Variants in MAF observed in about 807,000 individuals in gnomAD.
MAF encodes the protein MAF bZIP transcription factor, also known as transcription factor Maf.
In MAF, 10 loss-of-function variants were observed where a neutral mutation model predicts 22.0. The observed-to-expected ratio is 0.45, with a 90% CI of 0.28 to 0.77. The LOEUF (loss-of-function observed/expected upper bound fraction) is 0.77. MAF is among the 30% of genes least tolerant of loss of function. The probability of loss-of-function intolerance (pLI) is 0.12; values close to 1 mark genes in which losing one functional copy is unlikely to be tolerated. For synonymous variants in MAF, 337 were observed against 255.8 expected (o/e 1.32, Z -3.03); for missense variants, 544 against 548.4 (o/e 0.99, Z 0.08).
At chr16:79,266,020 C>A in the MAF span, among the ~76,000 whole-genome samples, 2 of 142,086 alleles carry the variant, frequency 1.4e-5, no homozygotes, top group African/African-American at 5.3e-5. Context: ...CCTCTCCTTT[C>A]TTTTCTTCTT....
chr16:79,340,367 C>T, the MAF span, among the ~76,000 whole-genome samples: 3 of 151,372 alleles, frequency 2.0e-5, no homozygotes, highest in African/African-American at 2.4e-5. Flanking sequence ...TCATGTAACA[C>T]AGGCTTTTAA....
the MAF span, among the ~76,000 whole-genome samples, chr16:79,368,278 G>A: frequency 1.3e-5 from 2 of 152,110 alleles, no homozygotes; most frequent in Non-Finnish European, 2.9e-5. Flanking sequence ...GGCTCTTGAG[G>A]CTCCAGATTC....
chr16:79,477,110 A>G, the MAF span, among the ~76,000 whole-genome samples: 2 of 152,190 alleles, frequency 1.3e-5, no homozygotes, highest in Non-Finnish European at 2.9e-5. Context: ...TAGCAAAGCA[A>G]TGGTTGAAAG....
chr16:79,415,157 C>T, the MAF span, among the ~76,000 whole-genome samples: 2 of 152,164 alleles, frequency 1.3e-5, no homozygotes, highest in East Asian at 3.9e-4. Flanking sequence ...GATGAGCTCA[C>T]CCAAACATGG....
At chr16:79,363,945 C>G in the MAF span, among the ~76,000 whole-genome samples, 2 of 152,158 alleles carry the variant, frequency 1.3e-5, no homozygotes, top group Non-Finnish European at 2.9e-5. Flanking sequence ...TGCTACCCAT[C>G]CAGCCTGACT....
At chr16:79,519,858 C>T in the MAF span, among the ~76,000 whole-genome samples, 6 of 152,214 alleles carry the variant, frequency 3.9e-5, no homozygotes, top group African/African-American at 1.4e-4. Context: ...GAGTCCTGGA[C>T]CCTGTTGACT....
At chr16:79,374,815 T>C in the MAF span, among the ~76,000 whole-genome samples, 39 of 152,338 alleles carry the variant, frequency 2.6e-4, no homozygotes, top group East Asian at 7.3e-3. Flanking sequence ...TTTTATAGTA[T>C]CTCATTAATT....
At chr16:79,537,947 A>C in the MAF span, among the ~76,000 whole-genome samples, 2 of 152,220 alleles carry the variant, frequency 1.3e-5, no homozygotes, top group African/African-American at 4.8e-5. Context: ...ACAGACGCGT[A>C]AACTGAATCT....
chr16:79,216,870 C>T, the MAF span, among the ~76,000 whole-genome samples: 1 of 150,936 alleles, frequency 6.6e-6, no homozygotes. Context: ...AGTGCAGCGG[C>T]ACGATCTTTG....
the MAF span, among the ~76,000 whole-genome samples, chr16:79,561,663 G>A: frequency 2.0e-5 from 3 of 152,102 alleles, no homozygotes; most frequent in Non-Finnish European, 2.9e-5. Flanking sequence ...GAACCTTCAG[G>A]AAAGGGAGCA....
chr16:79,487,183 T>C, the MAF span, among the ~76,000 whole-genome samples: 469 of 149,820 alleles, frequency 3.1e-3, 2 homozygotes, highest in African/African-American at 0.011. Flanking sequence ...GCTAAGAACA[T>C]TGTCTCTAAT....
chr16:79,532,230 T>C, the MAF span, among the ~76,000 whole-genome samples: 2 of 152,170 alleles, frequency 1.3e-5, no homozygotes, highest in African/African-American at 4.8e-5. Context: ...AGTAGAGACA[T>C]GGCCCCCACT....
chr16:79,535,011 T>G, the MAF span, among the ~76,000 whole-genome samples: 1 of 152,292 alleles, frequency 6.6e-6, no homozygotes, highest in Admixed American at 6.5e-5. Flanking sequence ...TAAACTGCTC[T>G]TACATCAAAA....
At chr16:79,496,998 C>T in the MAF span, among the ~76,000 whole-genome samples, 1 of 152,008 alleles carries the variant, frequency 6.6e-6, no homozygotes, top group African/African-American at 2.4e-5. Flanking sequence ...GTGAGTGTAA[C>T]AATTTATATG....
the MAF span, among the ~76,000 whole-genome samples, chr16:79,413,436 G>A: frequency 2.7e-5 from 4 of 147,864 alleles, no homozygotes; most frequent in South Asian, 2.3e-4. Context: ...TAGTAGAGAC[G>A]GGGTTTCACC....
the MAF span, among the ~76,000 whole-genome samples, chr16:79,505,232 C>CA: frequency 1.1e-4 from 16 of 151,988 alleles, no homozygotes; most frequent in African/African-American, 3.4e-4. Context: ...GAAAAACAGC[C>CA]AAAAAACACA....
At chr16:79,369,127 A>G in the MAF span, among the ~76,000 whole-genome samples, 45 of 152,264 alleles carry the variant, frequency 3.0e-4, 1 homozygote, top group African/African-American at 1.1e-3. Flanking sequence ...CTCACTATCA[A>G]CTCTTCACAA....
At chr16:79,445,160 A>G in the MAF span, among the ~76,000 whole-genome samples, 2 of 151,584 alleles carry the variant, frequency 1.3e-5, no homozygotes, top group African/African-American at 4.9e-5. Context: ...CAGCCCCCTG[A>G]GCAGCTGGAA....
At chr16:79,454,719 T>C in the MAF span, among the ~76,000 whole-genome samples, 2 of 152,098 alleles carry the variant, frequency 1.3e-5, no homozygotes, top group Non-Finnish European at 2.9e-5. Flanking sequence ...CTGAGTTTGG[T>C]CAATTCAGCA....
Sources: allele counts gnomAD v4.1 joint callset (sites outside exome capture counted in the v4.1 genomes callset), GRCh38; gene constraint gnomAD v4.1.1; transcripts MANE v1.5; gene names NCBI Gene and HGNC (gene_info 2026-07-23, HGNC 2026-07-21).